ATP8B1: variants seen among roughly 807,000 people sequenced by gnomAD.
The protein encoded by ATP8B1 is ATPase phospholipid transporting 8B1.
Under a neutral mutation model 149.9 loss-of-function variants are expected in ATP8B1, and 80 were observed. The ratio of observed to expected loss-of-function variants is 0.53; its 90% confidence interval spans 0.45 to 0.64. ATP8B1 has a LOEUF of 0.64. ATP8B1 is among the 30% of genes least tolerant of loss of function. ATP8B1 has a pLI of 0.00. For missense variants in ATP8B1, 1,247 were observed against 1,552.6 expected (o/e 0.80, Z 3.31); for synonymous variants, 536 against 562.8 (o/e 0.95, Z 0.67).
intron 1 of ATP8B1, among the ~76,000 whole-genome samples, chr18:57,763,696 G>T (rs149983920): frequency 1.8e-4 from 26 of 145,526 alleles, no homozygotes; most frequent in African/African-American, 6.0e-4. Flanking sequence ...ATTCTTCACT[G>T]TTCTTTTTTT....
Position 57,668,849 on chromosome 18 carries a change from A to G in ATP8B1, c.2098-309T>C, listed in dbSNP as rs12717120. ...TATTTGTGGCTTTATACTGACATAA[A>G]CCGTAAACCAGTTGCAATACTAGCT... is the stretch of plus-strand genomic sequence containing the variant. On this transcript the variant is annotated intron_variant, in intron 18 of 27. Transcript: ENST00000648908. 0.35 allele frequency: 109,257 copies of G among 308,226 alleles called. 20,561 individuals are homozygous for G. The highest frequency in any genetic ancestry group is 0.41 in the Non-Finnish European group (69,004 of 169,198). 19.1% of individuals were successfully genotyped at this position (308,226 alleles called of 1,614,324 possible).
chr18:57,792,396 C>T (rs1423653146), intron 1 of ATP8B1, among the ~76,000 whole-genome samples: 1 of 152,020 alleles, frequency 6.6e-6, no homozygotes, highest in Non-Finnish European at 1.5e-5. Flanking sequence ...AATCTGCCCA[C>T]CTCAGCCTCC....
At chr18:57,711,428 A>G (rs1913680936) in intron 2 of ATP8B1, among the ~76,000 whole-genome samples, 1 of 152,246 alleles carries the variant, frequency 6.6e-6, no homozygotes, top group African/African-American at 2.4e-5. Context: ...TGTGATGCAT[A>G]GAATTCATAC....
intron 11 of ATP8B1, among the ~76,000 whole-genome samples, chr18:57,693,080 T>C (rs1458204030): frequency 6.6e-6 from 1 of 152,186 alleles, no homozygotes; most frequent in Non-Finnish European, 1.5e-5. Flanking sequence ...CAAAGATGAA[T>C]GTGAAAAGTT....
chr18:57,776,737 C>G (rs1275344767), intron 1 of ATP8B1, among the ~76,000 whole-genome samples: 2 of 151,718 alleles, frequency 1.3e-5, no homozygotes, highest in Admixed American at 1.3e-4. Flanking sequence ...CAATGTGAAG[C>G]CTTCTTTGGG....
intron 2 of ATP8B1, among the ~76,000 whole-genome samples, chr18:57,713,623 T>C (rs2123025582): frequency 6.6e-6 from 1 of 151,736 alleles, no homozygotes; most frequent in East Asian, 1.9e-4. Flanking sequence ...CCCGAGTAGC[T>C]GGGATTAGAG....
intron 1 of ATP8B1, among the ~76,000 whole-genome samples, chr18:57,761,899 G>A (rs1344622740): frequency 3.5e-5 from 5 of 140,984 alleles, no homozygotes; most frequent in Admixed American, 7.5e-5. Context: ...GCAGTGAGCC[G>A]AGATTGCGCC....
At chr18:57,764,278 CCTT>C (rs917884181) in intron 1 of ATP8B1, among the ~76,000 whole-genome samples, 4 of 151,668 alleles carry the variant, frequency 2.6e-5, no homozygotes, top group African/African-American at 9.7e-5. Flanking sequence ...TTCCTTCCTT[CCTT>C]CTTTCTTTCT....
rs1338359916 is a variant in ATP8B1, at chr18:57,756,202, T to C, written c.-25-24370A>G. ...GAAACATTTCCACAACATATATATA[T>C]ATATATATACACACACACACACACA... On this transcript the variant is annotated intron_variant, in intron 1 of 27. Transcript: ENST00000648908. Among the ~76,000 whole-genome samples, 44 of 88,056 alleles carry C rather than the reference T, an allele frequency of 5.0e-4. 1 individual carries two copies. Among genetic ancestry groups the C allele is most frequent in the East Asian group, 4.9e-3 (20 of 4,114 alleles). 57.8% of individuals were successfully genotyped at this position (88,056 alleles called of 152,430 possible).
chr18:57,771,630 T>A (rs1041368774), intron 1 of ATP8B1, among the ~76,000 whole-genome samples: 2 of 152,196 alleles, frequency 1.3e-5, no homozygotes, highest in African/African-American at 4.8e-5. Flanking sequence ...TCAGGCCACA[T>A]ACAGCAGCAG....
At chr18:57,682,037 C>T (rs1190243913) in intron 15 of ATP8B1, among the ~76,000 whole-genome samples, 1 of 149,704 alleles carries the variant, frequency 6.7e-6, no homozygotes, top group East Asian at 2.0e-4. Context: ...TGGAGTCTTG[C>T]ACTGTTGCCC....
At chr18:57,771,206 T>A (rs1033716466) in intron 1 of ATP8B1, among the ~76,000 whole-genome samples, 1 of 152,232 alleles carries the variant, frequency 6.6e-6, no homozygotes, top group Non-Finnish European at 1.5e-5. Flanking sequence ...TAATGCTGAT[T>A]GCAACTGATG....
chr18:57,711,716 C>T (rs925734078), intron 2 of ATP8B1, among the ~76,000 whole-genome samples: 2 of 152,142 alleles, frequency 1.3e-5, no homozygotes, highest in Non-Finnish European at 2.9e-5. Context: ...ACCTCAACTT[C>T]TGGAGTAGCT....
chr18:57,784,298 A>G lies in ATP8B1; in HGVS notation c.-26+18700T>C, dbSNP rs1406922294. On this transcript the variant is annotated intron_variant, in intron 1 of 27. Transcript: ENST00000648908. The surrounding 1 kb of genome is among the most constrained non-coding windows in gnomAD (Gnocchi z 4.4). ...TAGCTGTTGTTAAAACCACAGCATG[A>G]GCTACTGCAAGGGTTGGCAGGATCT... is the stretch of plus-strand genomic sequence containing the variant. Among the ~76,000 whole-genome samples the G allele has an allele frequency of 6.6e-6, 1 of 152,124 alleles. No homozygotes were observed. The highest frequency in any genetic ancestry group is 2.4e-5 in the African/African-American group (1 of 41,426).
At chr18:57,708,333 T>C (rs766727583) in intron 2 of ATP8B1, among the ~76,000 whole-genome samples, 1 of 152,120 alleles carries the variant, frequency 6.6e-6, no homozygotes, top group Non-Finnish European at 1.5e-5. Context: ...AAAATGTTCC[T>C]GGTATCTTTG....
At chr18:57,693,567 G>C (rs1912651087) in intron 11 of ATP8B1, among the ~76,000 whole-genome samples, 1 of 152,064 alleles carries the variant, frequency 6.6e-6, no homozygotes, top group African/African-American at 2.4e-5. Context: ...AATTAGCCAG[G>C]TGTGGTGGCA....
intron 21 of ATP8B1, among the ~76,000 whole-genome samples, chr18:57,661,790 C>T (rs1599082459): frequency 1.3e-5 from 2 of 148,814 alleles, no homozygotes; most frequent in Admixed American, 1.3e-4. Flanking sequence ...TCTCGGCTCA[C>T]TGTAACCTCT....
chr18:57,710,950 A>C (rs1913656997), intron 2 of ATP8B1, among the ~76,000 whole-genome samples: 1 of 152,138 alleles, frequency 6.6e-6, no homozygotes, highest in Admixed American at 6.5e-5. Flanking sequence ...TGGCTCTTAA[A>C]CCTGTGAGAA....
chr18:57,665,400 G>A (rs1910784365), intron 20 of ATP8B1, among the ~76,000 whole-genome samples: 1 of 151,920 alleles, frequency 6.6e-6, no homozygotes. Context: ...TTAGCTTCGG[G>A]ACCAATTTTT....
Sources: gnomAD v4.1 joint callset for allele counts (sites outside exome capture counted in the v4.1 genomes callset) on GRCh38, gnomAD v4.1.1 for gene constraint, Gnocchi (gnomAD v3.1) non-coding constraint, MANE v1.5 for transcripts, NCBI Gene and HGNC (gene_info 2026-07-23, HGNC 2026-07-21) for gene names.